RBFOX1: variants seen among roughly 807,000 people sequenced by gnomAD.
The protein encoded by RBFOX1 is RNA binding fox-1 homolog 1.
RBFOX1 carries 8 observed loss-of-function variants against 57.7 expected under a neutral mutation model. The observed-to-expected ratio is 0.14, with a 90% CI of 0.08 to 0.25. The LOEUF is 0.25. RBFOX1 is among the 10% of genes least tolerant of loss of function. The pLI is 1.00. For missense variants in RBFOX1, 611 were observed against 548.5 expected, an observed-to-expected ratio of 1.11 and a Z score of -1.14; for synonymous variants, 326 against 222.4, an observed-to-expected ratio of 1.47 and a Z score of -4.15.
chr16:7,709,234 G>T (rs907121025), intron 15 of RBFOX1, 103 bp downstream of exon 15: 1 of 1,176,006 alleles, frequency 8.5e-7, no homozygotes, highest in Non-Finnish European at 1.2e-6. Context: ...CCCGTTAATT[G>T]AATTTGTCTC....
chr16:5,596,825 C>T (rs1210119971), intron 2 of RBFOX1, among the ~76,000 whole-genome samples: 1 of 152,202 alleles, frequency 6.6e-6, no homozygotes, highest in Non-Finnish European at 1.5e-5. Context: ...CCCCTTCTCT[C>T]CCCATTCAGG....
intron 4 of RBFOX1, among the ~76,000 whole-genome samples, chr16:5,987,713 C>G (rs1392148576): frequency 1.3e-5 from 2 of 152,164 alleles, no homozygotes; most frequent in African/African-American, 2.4e-5. Flanking sequence ...GGCCCCATCT[C>G]CAGCTCTCTT....
At chr16:7,328,477 C>CAAAAAA (rs58553232) in intron 4 of RBFOX1, among the ~76,000 whole-genome samples, 95 of 60,472 alleles carry the variant, frequency 1.6e-3, no homozygotes, top group African/African-American at 2.4e-3. Context: ...GACTCTGTCT[C>CAAAAAA]AAAAAAAAAA....
intron 4 of RBFOX1, among the ~76,000 whole-genome samples, chr16:5,939,830 A>G (rs898153204): frequency 9.2e-5 from 14 of 152,302 alleles, no homozygotes; most frequent in African/African-American, 3.1e-4. Flanking sequence ...CCCTGACCAT[A>G]TGGACATGGG....
chr16:6,293,892 GAGC>G (rs762403173), intron 1 of RBFOX1, among the ~76,000 whole-genome samples: 3,348 of 50,518 alleles, frequency 0.066, 133 homozygotes, highest in African/African-American at 0.21. Context: ...ATTCCAGGGT[GAGC>G]GGGGGGGTGG....
chr16:7,380,577 A>G (rs1440746863), intron 4 of RBFOX1, among the ~76,000 whole-genome samples: 1 of 152,254 alleles, frequency 6.6e-6, no homozygotes, highest in East Asian at 1.9e-4. Flanking sequence ...TTAAAAAACA[A>G]AACAAAACAA....
chr16:5,828,428 C>G (rs2056149767), intron 3 of RBFOX1, among the ~76,000 whole-genome samples: 1 of 152,128 alleles, frequency 6.6e-6, no homozygotes, highest in African/African-American at 2.4e-5. Context: ...AATGCAACCA[C>G]CGGGCTCACG....
chr16:7,239,647 A>T (rs1357493972), intron 4 of RBFOX1, among the ~76,000 whole-genome samples: 1 of 152,148 alleles, frequency 6.6e-6, no homozygotes, highest in Non-Finnish European at 1.5e-5. Context: ...CCCTGATAAG[A>T]CCGTGAGAAC....
intron 3 of RBFOX1, among the ~76,000 whole-genome samples, chr16:6,830,315 A>G (rs182134083): frequency 1.3e-3 from 200 of 152,316 alleles, no homozygotes; most frequent in Middle Eastern, 6.8e-3. Context: ...ATACAGAACT[A>G]TTATTCCTGG....
In RBFOX1 at chr16:7,554,994, G is replaced by A. The variant is rs1264790014; in HGVS notation, c.271-24783G>A. Among the ~76,000 whole-genome samples, 3 of 152,144 alleles carry A rather than the reference G, an allele frequency of 2.0e-5. No individual in the cohort carries two copies. In the East Asian group the frequency reaches 5.8e-4, roughly 29 times the overall value. On this transcript the variant is annotated intron_variant, in intron 5 of 15. Transcript: ENST00000550418. Reference sequence around the variant, plus strand: ...TATTATGTTTATTATTTAGCATTTAGGTAGTATTGCATATTTATAAAATAC... The same window carrying A: ...TATTATGTTTATTATTTAGCATTTAAGTAGTATTGCATATTTATAAAATAC...
At chr16:7,057,610 G>A (rs1041954440) in intron 4 of RBFOX1, among the ~76,000 whole-genome samples, 1 of 152,206 alleles carries the variant, frequency 6.6e-6, no homozygotes, top group Non-Finnish European at 1.5e-5. Flanking sequence ...TGGGCCAGTT[G>A]GATCTGTCCA....
rs367679998 is a variant in RBFOX1 at position 5,921,097 on chromosome 16, A to G, written c.351+53762A>G. ...CCTTCCAAATTGCAAGCAATTCTGTAAATATTACTGATCTCCTGTTAGGAT... is the reference window on the plus strand; with the variant it reads ...CCTTCCAAATTGCAAGCAATTCTGTGAATATTACTGATCTCCTGTTAGGAT... On this transcript the variant is annotated intron_variant, in intron 4 of 19. Transcript: ENST00000641259. Among the ~76,000 whole-genome samples, 10 of 152,288 alleles carry G rather than the reference A, an allele frequency of 6.6e-5. No homozygotes were observed. The East Asian group carries it at 1.4e-3, about 21-fold the overall frequency.
At chr16:6,901,026 G>T (rs188170345) in intron 3 of RBFOX1, among the ~76,000 whole-genome samples, 64 of 152,232 alleles carry the variant, frequency 4.2e-4, no homozygotes, top group African/African-American at 1.4e-3. Flanking sequence ...CCCATTCACC[G>T]ACATTATGTA....
chr16:6,669,733 C>T (rs1045155350), intron 3 of RBFOX1, among the ~76,000 whole-genome samples: 2 of 152,128 alleles, frequency 1.3e-5, no homozygotes, highest in African/African-American at 2.4e-5. Context: ...GAAAGGTTTT[C>T]TGGGTGCTTT....
Position 7,089,975 on chromosome 16 carries a change from T to C in RBFOX1, c.27+37877T>C, listed in dbSNP as rs186047919. ...TGGATGCAGGCTGTTTAAGGAGATATGAATTAGCAAGCTAGCATTAACACT... is the reference window on the plus strand; with the variant it reads ...TGGATGCAGGCTGTTTAAGGAGATACGAATTAGCAAGCTAGCATTAACACT... On this transcript the variant is annotated intron_variant, in intron 4 of 15. Transcript: ENST00000550418. Among the ~76,000 whole-genome samples, 221 of 152,264 alleles carry C rather than the reference T, an allele frequency of 1.5e-3. 2 individuals are homozygous for C. The highest frequency in any genetic ancestry group is 1.6e-3 in the Non-Finnish European group (109 of 68,018).
chr16:5,989,641 C>G (rs980025831), intron 4 of RBFOX1, among the ~76,000 whole-genome samples: 2 of 151,850 alleles, frequency 1.3e-5, no homozygotes, highest in Non-Finnish European at 2.9e-5. Flanking sequence ...CTGCCCTTCA[C>G]CTCCAATCAA....
chr16:6,738,722 G>C (rs2071183358), intron 3 of RBFOX1, among the ~76,000 whole-genome samples: 1 of 152,118 alleles, frequency 6.6e-6, no homozygotes, highest in African/African-American at 2.4e-5. Flanking sequence ...TACCTTGAGA[G>C]ACCATGTCCT....
At chr16:5,567,461 C>T (rs2046112149) in intron 2 of RBFOX1, among the ~76,000 whole-genome samples, 1 of 152,216 alleles carries the variant, frequency 6.6e-6, no homozygotes, top group African/African-American at 2.4e-5. Context: ...ACTTTACAGA[C>T]TGGGAAGCAT....
intron 2 of RBFOX1, among the ~76,000 whole-genome samples, chr16:5,521,525 C>CG (rs1264855192): frequency 4.7e-4 from 2 of 4,256 alleles, no homozygotes; most frequent in African/African-American, 1.1e-3. Flanking sequence ...TATCTGTAAA[C>CG]TATTGCCTTG....
Sources: gnomAD v4.1 joint callset for allele counts (sites outside exome capture counted in the v4.1 genomes callset) on GRCh38, gnomAD v4.1.1 for gene constraint, MANE v1.5 for transcripts, NCBI Gene and HGNC (gene_info 2026-07-23, HGNC 2026-07-21) for gene names.